Variants in IL12RB1 observed in about 807,000 individuals in gnomAD.
IL12RB1 encodes the protein interleukin-12 receptor subunit beta-1.
A neutral mutation model predicts 94.4 loss-of-function variants in IL12RB1; 64 were observed. That is an observed-to-expected ratio of 0.68 (90% CI 0.55 to 0.83). The LOEUF is 0.83. Ranked by LOEUF, IL12RB1 falls within the 40% of genes least tolerant of loss-of-function variation. The pLI is 0.00. For synonymous variants in IL12RB1, 362 were observed against 355.5 expected (o/e 1.02, Z -0.21); for missense variants, 814 against 855.6 (o/e 0.95, Z 0.61).
chr19:18,071,914 C>T (rs1437934773), intron 9 of IL12RB1, among the ~76,000 whole-genome samples, 198 bp downstream of exon 9: 1 of 152,184 alleles, frequency 6.6e-6, no homozygotes, highest in Non-Finnish European at 1.5e-5. Context: ...ATTCACCTGT[C>T]TTAGCCTCCC....
chr19:18,082,080 G>A (rs1011641416), intron 3 of IL12RB1, 70 bp downstream of exon 3: 1 of 908,388 alleles, frequency 1.1e-6, no homozygotes, highest in African/African-American at 1.6e-5. Context: ...CGAGAGTAGG[G>A]GCACCAGAGG....
chr19:18,098,248 C>T (rs1328039183), intron 1 of IL12RB1, among the ~76,000 whole-genome samples: 1 of 152,134 alleles, frequency 6.6e-6, no homozygotes, highest in African/African-American at 2.4e-5. Flanking sequence ...CCACTGTACA[C>T]CCTCAGCTCA....
At chr19:18,093,512 G>A (rs1307325944) in intron 1 of IL12RB1, among the ~76,000 whole-genome samples, 1 of 151,950 alleles carries the variant, frequency 6.6e-6, no homozygotes, top group Non-Finnish European at 1.5e-5. Flanking sequence ...TGGAGCAGCG[G>A]ATTTGAGACC....
chr19:18,093,283 C>G (rs845332), intron 1 of IL12RB1, among the ~76,000 whole-genome samples: 38,694 of 150,660 alleles, frequency 0.26, 5,289 homozygotes, highest in African/African-American at 0.35. Flanking sequence ...TTCAGCCTGG[C>G]CAACAGAGCT....
chr19:18,088,211 C>T (rs531906037), upstream of IL12RB1, among the ~76,000 whole-genome samples: 6 of 152,046 alleles, frequency 3.9e-5, no homozygotes, highest in African/African-American at 1.4e-4. Context: ...AATGGTGAAA[C>T]CCTGTCTCTA....
Position 18,061,130 on chromosome 19 carries a change from C to A in IL12RB1, c.1783G>T (p.Gly595Trp). Residue 595 changes from glycine (G) to tryptophan (W), a missense_variant, in exon 15 of 17, where the codon GGG becomes TGG. Coordinates refer to ENST00000593993, the MANE Select transcript of IL12RB1 (RefSeq NM_005535.3). The stretch of plus-strand genomic sequence containing the variant: ...AGAAAAGGCATCCTTACCTCCTTCC[C>A]TCCAGGGAACTCAATGGCGGAGCTG... ...CASSAIEFPG[G>W]KETWQWINPV... 1 of 1,583,708 alleles carries A rather than the reference C, an allele frequency of 6.3e-7. No homozygotes were observed. The highest frequency in any genetic ancestry group is 8.6e-7 in the Non-Finnish European group (1 of 1,156,378).
At chr19:18,064,524 G>A (rs545825604) in intron 12 of IL12RB1, among the ~76,000 whole-genome samples, 2 of 150,622 alleles carry the variant, frequency 1.3e-5, no homozygotes, top group South Asian at 4.2e-4. Flanking sequence ...CCAGGCTGGA[G>A]TGCAGTGGCA....
intron 14 of IL12RB1, 119 bp from the exon 15 acceptor site, chr19:18,061,316 T>A: frequency 1.7e-6 from 1 of 589,728 alleles, no homozygotes; most frequent in Non-Finnish European, 3.1e-6. Flanking sequence ...CTGCAACCTC[T>A]GCCTCCTGGG....
At chr19:18,088,565 T>TAA (rs778266743), upstream of IL12RB1, among the ~76,000 whole-genome samples, 466 of 129,628 alleles carry the variant, frequency 3.6e-3, 7 homozygotes, top group African/African-American at 0.012. Flanking sequence ...TCCTGTCTCT[T>TAA]AAAAAAAAAA....
intron 1 of IL12RB1, among the ~76,000 whole-genome samples, chr19:18,093,171 G>A (rs989810768): frequency 1.3e-5 from 2 of 151,888 alleles, no homozygotes; most frequent in Non-Finnish European, 2.9e-5. Context: ...CGGGTGTGGT[G>A]GCAGGTGCCT....
At chr19:18,062,997 C>G (rs867405967) in intron 13 of IL12RB1, among the ~76,000 whole-genome samples, 25 of 105,396 alleles carry the variant, frequency 2.4e-4, no homozygotes, top group African/African-American at 8.1e-4. Flanking sequence ...GTGTTGTTCT[C>G]TTCCTCCTCC....
Position 18,069,609 on chromosome 19 carries a change from G to T in IL12RB1, c.1126C>A (p.Gln376Lys). 6.2e-7 allele frequency: 1 copy of T among 1,613,098 alleles called. No individual in the cohort carries two copies. ...CTGCAGGTGGCAAGGCCCCCGTCCTGGCCCACAGGCTGCCATTCAATGCAA... is the reference window on the plus strand; with the variant it reads ...CTGCAGGTGGCAAGGCCCCCGTCCTTGCCCACAGGCTGCCATTCAATGCAA... The part of the protein sequence containing the change: ...TYCIEWQPVG[Q>K]DGGLATCSLT... The change falls in exon 10 of 17, where the codon CAG becomes AAG. Residue 376 changes from glutamine (Q) to lysine (K), a missense_variant. Gln to Lys is a moderately conservative substitution (Grantham distance 53). Coordinates refer to ENST00000593993, the MANE Select transcript of IL12RB1 (RefSeq NM_005535.3).
At chr19:18,092,493 A>AAAAAT (rs1314590832) in intron 1 of IL12RB1, among the ~76,000 whole-genome samples, 3 of 151,940 alleles carry the variant, frequency 2.0e-5, no homozygotes, top group Admixed American at 6.6e-5. Context: ...TCTGTCTCAA[A>AAAAAT]AAAATAAAAT....
In IL12RB1 at chr19:18,069,038, C is replaced by G. The variant is rs563935360; in HGVS notation, c.1189+508G>C. ...GTGCTGGGATTACAGGTGTTAGCCA[C>G]CTTGCCCGGACAATGGGGTCAGGGG... On this transcript the variant is annotated intron_variant, in intron 10 of 16. Transcript: ENST00000593993. Among the ~76,000 whole-genome samples, 9 of 152,252 alleles carry G rather than the reference C, an allele frequency of 5.9e-5. No individual in the cohort carries two copies. In the East Asian group the frequency reaches 1.7e-3, roughly 29 times the overall value.
At position 18,068,351 on chromosome 19, in the gene IL12RB1, G is replaced by A. The variant is rs771290769; in HGVS notation, c.1327+38C>T. The A allele has an allele frequency of 5.9e-6, 9 of 1,536,590 alleles. No individual in the cohort carries two copies. The African/African-American group carries it at 1.1e-4, about 19-fold the overall frequency. On this transcript the variant is annotated intron_variant, in intron 11 of 16. Transcript: ENST00000593993. Reference sequence around the variant, plus strand: ...TCTATTTTTTTAAATTATTTAAAAAGAAAAAATAATGTAAACCTGCAGGTT... The same window carrying A: ...TCTATTTTTTTAAATTATTTAAAAAAAAAAAATAATGTAAACCTGCAGGTT...
At chr19:18,074,452 A>G (rs1349662940) in intron 7 of IL12RB1, among the ~76,000 whole-genome samples, 1 of 152,166 alleles carries the variant, frequency 6.6e-6, no homozygotes, top group Non-Finnish European at 1.5e-5. Flanking sequence ...CTCACTTGAT[A>G]AAGCCCTGTA....
At chr19:18,083,522 C>G (rs1444175575) in intron 1 of IL12RB1, 31 bp from the exon 2 acceptor site, 1 of 1,610,770 alleles carries the variant, frequency 6.2e-7, no homozygotes, top group Non-Finnish European at 8.5e-7. Flanking sequence ...TAATGACATT[C>G]CTGGCCTTGC....
chr19:18,074,680 G>A (rs549687929), intron 7 of IL12RB1, among the ~76,000 whole-genome samples: 8 of 152,180 alleles, frequency 5.3e-5, no homozygotes, highest in East Asian at 1.9e-4. Flanking sequence ...CCCGTGAGGC[G>A]GAGGTTGCAG....
At chr19:18,085,333 C>T (rs2146479088) in intron 1 of IL12RB1, among the ~76,000 whole-genome samples, 1 of 144,698 alleles carries the variant, frequency 6.9e-6, no homozygotes, top group South Asian at 2.3e-4. Flanking sequence ...GACACAGAAC[C>T]CCCACCCACC....
Sources: gnomAD v4.1 joint callset for allele counts (sites outside exome capture counted in the v4.1 genomes callset) on GRCh38, gnomAD v4.1.1 for gene constraint, MANE v1.5 for transcripts, NCBI Gene and HGNC (gene_info 2026-07-23, HGNC 2026-07-21) for gene names.